HESX1: variants seen among roughly 807,000 people sequenced by gnomAD.
HESX1 encodes homeobox expressed in ES cells 1.
HESX1 carries 11 observed loss-of-function variants against 22.5 expected under a neutral mutation model. The ratio of observed to expected loss-of-function variants is 0.49; its 90% CI spans 0.31 to 0.81. The LOEUF is 0.81. Among genes scored for constraint, HESX1 ranks in the 30% least tolerant of loss-of-function variants. HESX1 has a pLI of 0.05. For synonymous variants in HESX1, 74 were observed against 76.5 expected, an observed-to-expected ratio of 0.97 and a Z score of 0.17; for missense variants, 201 against 212.6, an observed-to-expected ratio of 0.95 and a Z score of 0.34.
chr3:57,224,559 GAGATT>G (rs2060632500), intron 1 of HESX1, among the ~76,000 whole-genome samples: 1 of 152,192 alleles, frequency 6.6e-6, no homozygotes, highest in African/African-American at 2.4e-5. Flanking sequence ...CTTAACTGGA[GAGATT>G]CCCAGCCCTG....
At position 57,199,651 on chromosome 3, in the gene HESX1, ATAAATTAAAT is replaced by A. The variant is rs61589498; in HGVS notation, c.157+101_157+110del. The A allele has an allele frequency of 2.2e-5, 15 of 667,234 alleles. 1 individual carries two copies. In the South Asian group the frequency reaches 5.4e-4, roughly 24 times the overall value. The allele number at this position is 667,234 out of a possible 1,614,324, so 41.3% of individuals were successfully genotyped here. ...AAAAAAAAAATAATAAATAATAATA[ATAAATTAAAT>A]TAAAGTCCTAAACTCTAGCTCTATG... On this transcript the variant is annotated intron_variant, in intron 1 of 3. Transcript: ENST00000295934.
intron 1 of HESX1, among the ~76,000 whole-genome samples, chr3:57,223,191 G>T (rs2060624303): frequency 6.6e-6 from 1 of 152,152 alleles, no homozygotes; most frequent in South Asian, 2.1e-4. Context: ...CTACTAAACA[G>T]TGGAGCCAGA....
chr3:57,211,812 G>A (rs577467727), intron 1 of HESX1, among the ~76,000 whole-genome samples: 3 of 151,486 alleles, frequency 2.0e-5, no homozygotes, highest in African/African-American at 4.8e-5. Flanking sequence ...CAGCTTGGAC[G>A]ACAGAGTGAG....
chr3:57,210,852 CTACAGAA>C (rs2060549153), intron 1 of HESX1, among the ~76,000 whole-genome samples: 1 of 152,118 alleles, frequency 6.6e-6, no homozygotes, highest in Admixed American at 6.6e-5. Flanking sequence ...CCAGGGCAAT[CTACAGAA>C]GAGAAGACAC....
chr3:57,226,738 G>A (rs760646799), upstream of HESX1, among the ~76,000 whole-genome samples: 3 of 152,158 alleles, frequency 2.0e-5, no homozygotes, highest in Non-Finnish European at 2.9e-5. Context: ...AGCATCTCTG[G>A]TATTTCTTGA....
chr3:57,201,885 ATC>A (rs1411780667), upstream of HESX1, among the ~76,000 whole-genome samples: 1 of 145,390 alleles, frequency 6.9e-6, no homozygotes, highest in African/African-American at 2.7e-5. Context: ...ATATCTATCT[ATC>A]TATCTATCTA....
intron 1 of HESX1, among the ~76,000 whole-genome samples, chr3:57,216,462 A>G (rs1258422796): frequency 6.6e-6 from 1 of 152,094 alleles, no homozygotes; most frequent in Non-Finnish European, 1.5e-5. Context: ...GCCACAAAAA[A>G]TTAGCCAGGC....
intron 1 of HESX1, among the ~76,000 whole-genome samples, chr3:57,217,195 G>A (rs536393539): frequency 7.9e-5 from 12 of 152,080 alleles, no homozygotes; most frequent in Non-Finnish European, 1.5e-4. Context: ...ATGTGTGTTC[G>A]TTGCCATTGG....
At chr3:57,226,784 G>GGC (rs1387969334), upstream of HESX1, among the ~76,000 whole-genome samples, 2 of 152,160 alleles carry the variant, frequency 1.3e-5, no homozygotes, top group Non-Finnish European at 2.9e-5. Context: ...TTAATGGCTA[G>GGC]ATGTTTAGAA....
intron 1 of HESX1, among the ~76,000 whole-genome samples, chr3:57,220,621 G>A (rs1176440195): frequency 6.6e-6 from 1 of 151,952 alleles, no homozygotes; most frequent in East Asian, 1.9e-4. Context: ...AGTGGAGACA[G>A]GGTTTCATCA....
intron 1 of HESX1, among the ~76,000 whole-genome samples, chr3:57,210,376 T>G (rs868759962): frequency 1.3e-5 from 2 of 152,306 alleles, no homozygotes; most frequent in South Asian, 4.1e-4. Flanking sequence ...ATCCAAATCA[T>G]TAACATCAGG....
intron 1 of HESX1, among the ~76,000 whole-genome samples, chr3:57,218,439 C>CTTTT (rs60734023): frequency 1.8e-3 from 185 of 102,104 alleles, no homozygotes; most frequent in Non-Finnish European, 2.2e-3. Flanking sequence ...TGATCTCATT[C>CTTTT]TTTTTTTTTT....
intron 1 of HESX1, among the ~76,000 whole-genome samples, chr3:57,222,709 T>TA (rs767458882): frequency 6.6e-5 from 10 of 152,148 alleles, no homozygotes; most frequent in Non-Finnish European, 1.5e-4. Context: ...CAAAAACTCC[T>TA]AAAAACCTCA....
intron 1 of HESX1, among the ~76,000 whole-genome samples, chr3:57,207,293 A>G (rs757390038): frequency 2.6e-4 from 40 of 152,208 alleles, no homozygotes; most frequent in Non-Finnish European, 1.2e-4. Context: ...CATTTCCCAG[A>G]CTGCCTTGCA....
chr3:57,204,755 T>A (rs2060510229), upstream of HESX1, among the ~76,000 whole-genome samples: 1 of 149,992 alleles, frequency 6.7e-6, no homozygotes, highest in Non-Finnish European at 1.5e-5. Context: ...GCTGTATTCA[T>A]GCCACTGCAC....
chr3:57,227,301 T>G (rs2060652407), upstream of HESX1, among the ~76,000 whole-genome samples: 1 of 152,200 alleles, frequency 6.6e-6, no homozygotes, highest in Non-Finnish European at 1.5e-5. Context: ...TCTGAGTTAG[T>G]CAGCACCATT....
At chr3:57,205,641 G>GTAA (rs1386063665) in intron 1 of HESX1, among the ~76,000 whole-genome samples, 1 of 151,686 alleles carries the variant, frequency 6.6e-6, no homozygotes, top group Non-Finnish European at 1.5e-5. Context: ...TTCCTCCCCT[G>GTAA]TGAATCCCCA....
intron 1 of HESX1, among the ~76,000 whole-genome samples, chr3:57,207,366 T>A (rs2060525652): frequency 6.6e-6 from 1 of 152,242 alleles, no homozygotes; most frequent in African/African-American, 2.4e-5. Flanking sequence ...TGTCTAACTT[T>A]CAGGCCCAGC....
At chr3:57,201,887 C>G (rs2060490237), upstream of HESX1, among the ~76,000 whole-genome samples, 2 of 145,390 alleles carry the variant, frequency 1.4e-5, no homozygotes, top group Non-Finnish European at 3.0e-5. Context: ...ATCTATCTAT[C>G]TATCTATCTA....
Sources: allele counts gnomAD v4.1 joint callset (sites outside exome capture counted in the v4.1 genomes callset), GRCh38; gene constraint gnomAD v4.1.1; transcripts MANE v1.5; gene names NCBI Gene and HGNC (gene_info 2026-07-23, HGNC 2026-07-21).